FBXW8: variants seen among roughly 807,000 people sequenced by gnomAD.
The protein encoded by FBXW8 is F-box and WD repeat domain containing 8, also known as F-box/WD repeat-containing protein 8.
FBXW8 carries 57 observed loss-of-function variants against 65.3 expected under a neutral mutation model. The observed-to-expected ratio is 0.87, with a 90% CI of 0.71 to 1.09. FBXW8 has a LOEUF of 1.09. FBXW8 is among the 50% of genes least tolerant of loss of function. FBXW8 has a pLI of 0.00. For missense variants in FBXW8, 777 were observed against 814.8 expected (o/e 0.95, Z 0.57); for synonymous variants, 308 against 330.2 (o/e 0.93, Z 0.73).
At chr12:117,005,566 C>T (rs1953655015) in intron 7 of FBXW8, among the ~76,000 whole-genome samples, 1 of 152,184 alleles carries the variant, frequency 6.6e-6, no homozygotes, top group African/African-American at 2.4e-5. Flanking sequence ...ATCTGAGAAC[C>T]ACAGATCTGG....
chr12:116,996,497 T>A (rs113686182), intron 7 of FBXW8, among the ~76,000 whole-genome samples: 3,775 of 124,954 alleles, frequency 0.03, 162 homozygotes, highest in African/African-American at 0.093. Context: ...TTGTTCCATA[T>A]TCTAGTCCAG....
chr12:116,946,403 C>G (rs1340532740), intron 3 of FBXW8, among the ~76,000 whole-genome samples: 2 of 152,180 alleles, frequency 1.3e-5, no homozygotes, highest in East Asian at 3.9e-4. Flanking sequence ...TTCAGGGGTT[C>G]TCAACCCCAG....
chr12:116,985,767 A>T (rs1427096099), intron 6 of FBXW8: 1 of 178,820 alleles, frequency 5.6e-6, no homozygotes, highest in East Asian at 1.5e-4. Context: ...GACCTAATAT[A>T]TAAGTGAGAA....
chr12:116,932,426 C>T (rs891318114), intron 2 of FBXW8, among the ~76,000 whole-genome samples: 3 of 152,122 alleles, frequency 2.0e-5, no homozygotes, highest in African/African-American at 4.8e-5. Context: ...CATATGAAGG[C>T]GGTTTGAGAG....
chr12:116,955,970 T>G (rs969762618), intron 4 of FBXW8, among the ~76,000 whole-genome samples: 2 of 152,230 alleles, frequency 1.3e-5, no homozygotes, highest in African/African-American at 4.8e-5. Context: ...CAGAAGCTTT[T>G]ATCAGATGCC....
intron 4 of FBXW8, among the ~76,000 whole-genome samples, chr12:116,958,018 A>G (rs370234559): frequency 7.9e-5 from 12 of 152,358 alleles, no homozygotes; most frequent in East Asian, 7.7e-4. Flanking sequence ...CACAGCTACA[A>G]TAACTCTGCA....
At chr12:116,955,812 A>G (rs1379232480) in intron 4 of FBXW8, among the ~76,000 whole-genome samples, 1 of 152,106 alleles carries the variant, frequency 6.6e-6, no homozygotes, top group East Asian at 1.9e-4. Flanking sequence ...TTCAAAAAAG[A>G]CAGTATAAAA....
At chr12:116,918,328 A>G (rs1593034989) in intron 1 of FBXW8, among the ~76,000 whole-genome samples, 1 of 152,222 alleles carries the variant, frequency 6.6e-6, no homozygotes, top group South Asian at 2.1e-4. Flanking sequence ...CTTGGGCTCC[A>G]TTTTTATTTA....
At chr12:117,024,447 G>C in intron 9 of FBXW8, 127 bp downstream of exon 9, 1 of 1,058,870 alleles carries the variant, frequency 9.4e-7, no homozygotes, top group Non-Finnish European at 1.4e-6. Flanking sequence ...AATCCTTACT[G>C]TGACCCTAGG....
chr12:116,933,465 G>A (rs1565902886), intron 2 of FBXW8, among the ~76,000 whole-genome samples: 1 of 152,186 alleles, frequency 6.6e-6, no homozygotes, highest in Non-Finnish European at 1.5e-5. Context: ...GTACAATGGG[G>A]CTGCATTACA....
intron 5 of FBXW8, among the ~76,000 whole-genome samples, chr12:116,965,380 A>T (rs368103739): frequency 6.6e-6 from 1 of 152,224 alleles, no homozygotes. Flanking sequence ...TTGTACATGA[A>T]CAACTATGGA....
chr12:116,924,465 C>T (rs1250553381), intron 1 of FBXW8, among the ~76,000 whole-genome samples: 1 of 152,096 alleles, frequency 6.6e-6, no homozygotes, highest in Non-Finnish European at 1.5e-5. Flanking sequence ...TGAAAATATA[C>T]AATAAATTGT....
intron 8 of FBXW8, among the ~76,000 whole-genome samples, chr12:117,012,870 C>CA (rs1239429100): frequency 4.6e-5 from 7 of 151,758 alleles, no homozygotes; most frequent in Non-Finnish European, 8.8e-5. Flanking sequence ...CAGATTAAGA[C>CA]AAAAATGTTT....
chr12:116,958,989 C>G (rs1457281187), intron 4 of FBXW8, among the ~76,000 whole-genome samples: 1 of 152,210 alleles, frequency 6.6e-6, no homozygotes, highest in Admixed American at 6.5e-5. Context: ...CAGGGCCCCT[C>G]TTGGCTGCTC....
chr12:116,971,855 T>C (rs1298728935), intron 5 of FBXW8, among the ~76,000 whole-genome samples: 1 of 152,218 alleles, frequency 6.6e-6, no homozygotes, highest in Non-Finnish European at 1.5e-5. Context: ...GTATTGACCT[T>C]GTCATGAATT....
intron 9 of FBXW8, 77 bp from the exon 10 acceptor site, chr12:117,027,317 C>T: frequency 9.0e-7 from 1 of 1,109,938 alleles, no homozygotes; most frequent in South Asian, 1.3e-5. Flanking sequence ...CCCTGCAGCT[C>T]TGAACTCCCA....
intron 5 of FBXW8, among the ~76,000 whole-genome samples, chr12:116,983,081 G>A (rs1885430938): frequency 6.6e-6 from 1 of 152,184 alleles, no homozygotes. Context: ...TGCCCAGTGA[G>A]AGGAGACACA....
intron 1 of FBXW8, among the ~76,000 whole-genome samples, chr12:116,921,554 A>C (rs183438367): frequency 6.6e-6 from 1 of 152,152 alleles, no homozygotes. Flanking sequence ...TCTATAAAAG[A>C]TTTTAGCTCT....
chr12:116,966,609 T>C lies in FBXW8; in HGVS notation c.835+1755T>C, dbSNP rs530990799. 3.3e-5 allele frequency among the ~76,000 whole-genome samples: 5 copies of C among 152,316 alleles called. No individual in the cohort carries two copies. In the South Asian group the frequency reaches 1.0e-3, roughly 32 times the overall value. ...AGCTTGAAAATACAGCTTGAGGTGA[T>C]GTGCAGGGGTGCTGCTGCTGGTTTT... On this transcript the variant is annotated intron_variant, in intron 5 of 10. Transcript: ENST00000652555.
Sources: allele counts gnomAD v4.1 joint callset (sites outside exome capture counted in the v4.1 genomes callset), GRCh38; gene constraint gnomAD v4.1.1; transcripts MANE v1.5; gene names NCBI Gene and HGNC (gene_info 2026-07-23, HGNC 2026-07-21).